The following RSRC1 variants were observed in gnomAD, a reference collection of about 807,000 sequenced individuals.
The protein encoded by RSRC1 is arginine and serine rich coiled-coil 1.
A neutral mutation model predicts 49.1 loss-of-function variants in RSRC1; 39 were observed. The ratio of observed to expected loss-of-function variants is 0.79; its 90% CI spans 0.61 to 1.04. RSRC1 has a LOEUF of 1.04. Among genes scored for constraint, RSRC1 ranks in the 50% least tolerant of loss-of-function variants. The pLI, the probability that RSRC1 is intolerant of heterozygous loss-of-function variation, is 0.00. For missense variants in RSRC1, 388 were observed against 402.4 expected (o/e 0.96, Z 0.31); for synonymous variants, 143 against 130.8 (o/e 1.09, Z -0.63).
chr3:158,283,507 T>A (rs748600586), intron 4 of RSRC1, among the ~76,000 whole-genome samples: 2 of 149,720 alleles, frequency 1.3e-5, no homozygotes, highest in South Asian at 4.2e-4. Context: ...TAACATGATT[T>A]AAAAAAAAAA....
chr3:158,204,915 G>A (rs1468556660), intron 4 of RSRC1, among the ~76,000 whole-genome samples: 1 of 151,942 alleles, frequency 6.6e-6, no homozygotes, highest in Non-Finnish European at 1.5e-5. Flanking sequence ...ATGAGAGAGT[G>A]AATAAAACAG....
At chr3:158,196,156 T>C (rs1720596830) in intron 3 of RSRC1, among the ~76,000 whole-genome samples, 1 of 121,452 alleles carries the variant, frequency 8.2e-6, no homozygotes, top group South Asian at 2.7e-4. Flanking sequence ...CATTTGTTTG[T>C]ATTCTCTTTT....
At chr3:158,418,252 A>G (rs1443089594) in intron 6 of RSRC1, among the ~76,000 whole-genome samples, 1 of 151,988 alleles carries the variant, frequency 6.6e-6, no homozygotes, top group African/African-American at 2.4e-5. Context: ...AGCCAAGGAT[A>G]TGACCATTAA....
chr3:158,350,195 T>TTG (rs34081543), intron 5 of RSRC1, among the ~76,000 whole-genome samples: 5 of 148,164 alleles, frequency 3.4e-5, no homozygotes, highest in African/African-American at 1.2e-4. Flanking sequence ...TTTTTTTTTT[T>TTG]GAGAAAAGGT....
chr3:158,207,549 C>T (rs1336070862), intron 4 of RSRC1, among the ~76,000 whole-genome samples: 1 of 152,080 alleles, frequency 6.6e-6, no homozygotes, highest in South Asian at 2.1e-4. Flanking sequence ...TGTGATTGTG[C>T]AGTGCATGAC....
intron 6 of RSRC1, among the ~76,000 whole-genome samples, chr3:158,439,258 A>G (rs893054791): frequency 6.6e-6 from 1 of 152,152 alleles, no homozygotes; most frequent in South Asian, 2.1e-4. Context: ...CAGTGTGGCA[A>G]TTCCTCAAGG....
Position 158,256,894 on chromosome 3 carries a change from C to T in RSRC1, c.495-41145C>T, listed in dbSNP as rs1040396057. Among the ~76,000 whole-genome samples the T allele has an allele frequency of 4.4e-4, 67 of 152,062 alleles. 1 individual carries two copies. The highest frequency in any genetic ancestry group is 1.4e-3 in the East Asian group (7 of 5,174). Reference sequence around the variant, plus strand: ...TAGTATTCTCTGATGGTAGTTTGTACTTCTGTGGGATCCATGGTGGTATCT... The same window carrying T: ...TAGTATTCTCTGATGGTAGTTTGTATTTCTGTGGGATCCATGGTGGTATCT... On this transcript the variant is annotated intron_variant, in intron 4 of 9. Transcript: ENST00000611884.
intron 4 of RSRC1, among the ~76,000 whole-genome samples, chr3:158,269,864 AT>A (rs2108052601): frequency 1.3e-5 from 2 of 152,186 alleles, no homozygotes; most frequent in East Asian, 3.9e-4. Flanking sequence ...TTCTTTTGAT[AT>A]CTTGAAGATA....
chr3:158,494,921 TATG>T (rs1272625806), intron 7 of RSRC1, among the ~76,000 whole-genome samples: 8 of 152,192 alleles, frequency 5.3e-5, no homozygotes, highest in African/African-American at 7.2e-5. Context: ...CTGAGGCTGT[TATG>T]ATAAAAAATA....
chr3:158,347,940 A>G (rs752821995), intron 5 of RSRC1, among the ~76,000 whole-genome samples: 7 of 152,150 alleles, frequency 4.6e-5, no homozygotes, highest in Non-Finnish European at 1.0e-4. Flanking sequence ...AGATACATGA[A>G]ATATTTTAAT....
intron 6 of RSRC1, among the ~76,000 whole-genome samples, chr3:158,412,859 C>T (rs528865950): frequency 1.3e-5 from 2 of 151,608 alleles, no homozygotes; most frequent in Non-Finnish European, 3.0e-5. Context: ...GGTTTGTTTG[C>T]TCTATATCAT....
At chr3:158,493,793 G>C (rs1483359487) in intron 7 of RSRC1, among the ~76,000 whole-genome samples, 6 of 152,162 alleles carry the variant, frequency 3.9e-5, no homozygotes, top group Non-Finnish European at 5.9e-5. Flanking sequence ...ACTGTGATAG[G>C]CTGAGACTCA....
intron 4 of RSRC1, among the ~76,000 whole-genome samples, chr3:158,250,151 C>T (rs539074381): frequency 1.3e-5 from 2 of 152,286 alleles, no homozygotes; most frequent in South Asian, 4.1e-4. Flanking sequence ...GGATCTCATT[C>T]ATTTTTATGA....
intron 6 of RSRC1, among the ~76,000 whole-genome samples, chr3:158,369,705 A>G (rs1198308036): frequency 1.3e-5 from 2 of 152,092 alleles, no homozygotes; most frequent in Admixed American, 6.6e-5. Flanking sequence ...TTTATTCAGT[A>G]TTAACTGTTA....
intron 5 of RSRC1, among the ~76,000 whole-genome samples, chr3:158,324,702 T>C (rs1728973869): frequency 1.3e-5 from 2 of 152,220 alleles, no homozygotes; most frequent in African/African-American, 4.8e-5. Flanking sequence ...TACGTGTGCA[T>C]GTGTCTTTAT....
At position 158,132,048 on chromosome 3, in the gene RSRC1, A is replaced by G. The variant is rs568059344; in HGVS notation, c.320+8057A>G. 3.1e-4 allele frequency: 127 copies of G among 413,514 alleles called. 5 individuals are homozygous for G. The highest frequency in any genetic ancestry group is 2.2e-3 in the South Asian group (123 of 57,108). The allele number at this position is 413,514 out of a possible 1,614,324, so 25.6% of individuals were successfully genotyped here. On this transcript the variant is annotated intron_variant, in intron 3 of 9. Transcript: ENST00000611884. The stretch of plus-strand genomic sequence containing the variant: ...ACCTGGGCTGGAGTGCAGTGGTGCA[A>G]TCTTGGCTCACTGTAGCCTTTACCT...
chr3:158,213,962 C>T (rs1299722602), intron 4 of RSRC1, among the ~76,000 whole-genome samples: 1 of 151,790 alleles, frequency 6.6e-6, no homozygotes, highest in East Asian at 1.9e-4. Context: ...TCCATACCCG[C>T]AGGTTCCACA....
intron 6 of RSRC1, among the ~76,000 whole-genome samples, chr3:158,443,656 T>A (rs1217628388): frequency 6.6e-6 from 1 of 152,192 alleles, no homozygotes. Flanking sequence ...ATTTATGTGT[T>A]CACTTGAGTA....
At chr3:158,397,163 T>A (rs1733656073) in intron 6 of RSRC1, among the ~76,000 whole-genome samples, 1 of 152,206 alleles carries the variant, frequency 6.6e-6, no homozygotes. Context: ...TACAGCTGAA[T>A]CAATTCTTAG....
Sources: allele counts gnomAD v4.1 joint callset (sites outside exome capture counted in the v4.1 genomes callset), GRCh38; gene constraint gnomAD v4.1.1; transcripts MANE v1.5; gene names NCBI Gene and HGNC (gene_info 2026-07-23, HGNC 2026-07-21).